Variants in MARVELD3 observed in about 807,000 individuals in gnomAD.
The protein encoded by MARVELD3 is MARVEL domain-containing protein 3.
A neutral mutation model predicts 33.5 loss-of-function variants in MARVELD3; 28 were observed. The observed-to-expected ratio is 0.84, with a 90% CI of 0.62 to 1.15. The LOEUF (loss-of-function observed/expected upper bound fraction) is 1.15. Among genes scored for constraint, MARVELD3 ranks in the 50% most tolerant of loss-of-function variants. The pLI is 0.00. For synonymous variants in MARVELD3, 241 were observed against 230.4 expected (o/e 1.05, Z -0.42); for missense variants, 582 against 547.6 (o/e 1.06, Z -0.63).
At chr16:71,637,288 G>C (rs981246468), downstream of MARVELD3, among the ~76,000 whole-genome samples, 2 of 152,120 alleles carry the variant, frequency 1.3e-5, no homozygotes, top group African/African-American at 2.4e-5. Flanking sequence ...TGCTGCCTGG[G>C]TTTTGAATCC....
chr16:71,633,674 C>A (rs952494790), intron 2 of MARVELD3, among the ~76,000 whole-genome samples: 2 of 149,832 alleles, frequency 1.3e-5, no homozygotes, highest in African/African-American at 4.9e-5. Flanking sequence ...GGATTACAGG[C>A]GTGAGCCACC....
Position 71,626,627 on chromosome 16 carries a change from C to T in MARVELD3, c.398C>T (p.Ala133Val), listed in dbSNP as rs985883472. The T allele has an allele frequency of 2.3e-5, 35 of 1,538,096 alleles. No individual in the cohort carries two copies. The highest frequency in any genetic ancestry group is 3.0e-5 in the Non-Finnish European group (34 of 1,145,030). ...TWDAAAPPGP[A>V]PWEAPEPPQP... ...GACGCAGCCGCGCCTCCTGGGCCCG[C>T]GCCCTGGGAAGCCCCGGAGCCGCCG... The change falls in exon 1 of 3, where the codon GCG (alanine) becomes GTG (valine). Residue 133 changes from alanine (A) to valine (V), a missense_variant. Transcript: ENST00000268485. This position sits in a 1 kb window ranked among gnomAD's most constrained non-coding sequence, Gnocchi z 5.3.
rs1465099996 is a variant in MARVELD3, at chr16:71,626,603, AC to A, written c.375del (p.Asp125GlufsTer84). ...TRDGARGLTW[D>X]AAAPPGPAPW... ...GACGGAGCCCGGGGACTGACCTGGG[AC>A]GCAGCCGCGCCTCCTGGGCCCGCGC... On this transcript the variant is annotated frameshift_variant, in exon 1 of 3. Transcript: ENST00000268485. LOFTEE classifies it high-confidence loss of function. The surrounding 1 kb of genome is among the most constrained non-coding windows in gnomAD (Gnocchi z 5.3). 1.3e-6 allele frequency: 2 copies of A among 1,541,774 alleles called. No homozygotes were observed. Among genetic ancestry groups the A allele is most frequent in the African/African-American group, 2.7e-5 (2 of 72,930 alleles).
intron 2 of MARVELD3, among the ~76,000 whole-genome samples, chr16:71,631,580 G>C (rs555661154): frequency 6.6e-6 from 1 of 152,150 alleles, no homozygotes; most frequent in African/African-American, 2.4e-5. Context: ...CTCCCGAGTG[G>C]CTGGGAGGTA....
chr16:71,632,605 TTA>T (rs2044543732), intron 2 of MARVELD3, among the ~76,000 whole-genome samples: 1 of 151,462 alleles, frequency 6.6e-6, no homozygotes, highest in African/African-American at 2.4e-5. Context: ...TTTTTATTTT[TTA>T]TTTATTTATT....
Position 71,633,729 on chromosome 16 carries a change from G to T in MARVELD3, c.596-464G>T, listed in dbSNP as rs1427122312. 2.7e-5 allele frequency among the ~76,000 whole-genome samples: 4 copies of T among 147,270 alleles called. No individual in the cohort carries two copies. In the Admixed American group the frequency reaches 2.7e-4, roughly 10 times the overall value. ...TTTTTTTTTTTAAATTAGAGATGGG[G>T]TATCACTATGTTGCCCAGGTTAGTC... is the stretch of plus-strand genomic sequence containing the variant. On this transcript the variant is annotated intron_variant, in intron 2 of 2. Coordinates refer to ENST00000268485, the MANE Select transcript of MARVELD3 (RefSeq NM_052858.6).
intron 1 of MARVELD3, among the ~76,000 whole-genome samples, chr16:71,627,328 C>T (rs1048184679): frequency 6.6e-6 from 1 of 152,150 alleles, no homozygotes; most frequent in Admixed American, 6.5e-5. Flanking sequence ...CATGGTGAAA[C>T]CCCGTCTTTA....
chr16:71,634,293 G>T lies in MARVELD3; in HGVS notation c.696G>T (p.Leu232Phe). 1 of 1,614,160 alleles carries T rather than the reference G, an allele frequency of 6.2e-7. No individual in the cohort carries two copies. The highest frequency in any genetic ancestry group is 8.5e-7 in the Non-Finnish European group (1 of 1,180,024). Residue 232 changes from leucine to phenylalanine, a missense_variant, in exon 3 of 3, where the codon TTG (leucine) becomes TTT (phenylalanine). Physicochemically the swap from Leu to Phe is conservative, Grantham distance 22. Coordinates refer to ENST00000268485, the MANE Select transcript of MARVELD3 (RefSeq NM_052858.6). ...GGGGCTACACGGGCATCACCAGCTT[G>T]GGGGGCATTTACTACTATCAGTTCG... ...STGGYTGITS[L>F]GGIYYYQFGG...
downstream of MARVELD3, chr16:71,640,893 C>T: frequency 3.7e-6 from 6 of 1,614,190 alleles, no homozygotes; most frequent in Non-Finnish European, 5.1e-6. Flanking sequence ...TGCTTGTCTT[C>T]TCGTGATCAT....
chr16:71,636,685 G>A (rs918438977), downstream of MARVELD3, among the ~76,000 whole-genome samples: 1 of 152,100 alleles, frequency 6.6e-6, no homozygotes, highest in Non-Finnish European at 1.5e-5. Context: ...CTGCCTCCCA[G>A]GCTTAAGCTG....
chr16:71,637,472 G>A (rs148292018), downstream of MARVELD3, among the ~76,000 whole-genome samples: 256 of 152,292 alleles, frequency 1.7e-3, no homozygotes, highest in African/African-American at 5.9e-3. Flanking sequence ...TAGGGAGAGT[G>A]TAAACCAGCA....
Position 71,634,235 on chromosome 16 carries a change from T to C in MARVELD3, c.638T>C (p.Leu213Pro), listed in dbSNP as rs1045852013. Residue 213 changes from leucine (L) to proline (P), a missense_variant, in exon 3 of 3, where the codon CTG (leucine) becomes CCG (proline). By Grantham distance (98) the Leu-to-Pro change is moderately conservative. Transcript: ENST00000268485. ...MLEVLLNLLI[L>P]ACSSVSYSST... Reference sequence around the variant, plus strand: ...GAGGTTCTCCTGAACTTGCTGATCCTGGCCTGCAGCTCTGTGTCTTACAGT... The same window carrying C: ...GAGGTTCTCCTGAACTTGCTGATCCCGGCCTGCAGCTCTGTGTCTTACAGT... 2 of 1,611,712 alleles carry C rather than the reference T, an allele frequency of 1.2e-6. No individual in the cohort carries two copies. The highest frequency in any genetic ancestry group is 3.3e-5 in the Admixed American group (2 of 59,978).
Position 71,634,445 on chromosome 16 carries a change from T to TC in MARVELD3, c.849dup (p.Cys284LeufsTer55), listed in dbSNP as rs754405511. The TC allele has an allele frequency of 2.2e-5, 35 of 1,614,200 alleles. No individual in the cohort carries two copies. The African/African-American group carries it at 4.7e-4, about 22-fold the overall frequency. On this transcript the variant is annotated frameshift_variant, in exon 3 of 3. Transcript: ENST00000268485. LOFTEE classifies it high-confidence loss of function. ...GCCTGTAGTGGAGCCCTCACAGCCCTCTGCTGCCTCTTCGTTGCCATGGGT... is the reference window on the plus strand; with the variant it reads ...GCCTGTAGTGGAGCCCTCACAGCCCTCCTGCTGCCTCTTCGTTGCCATGGGT...
intron 1 of MARVELD3, among the ~76,000 whole-genome samples, chr16:71,627,590 A>AG (rs2044487453): frequency 2.0e-5 from 3 of 152,118 alleles, no homozygotes; most frequent in Non-Finnish European, 4.4e-5. Flanking sequence ...TGAAGGGTAC[A>AG]GGTTTGTTTT....
At chr16:71,636,978 C>T (rs73576293), downstream of MARVELD3, among the ~76,000 whole-genome samples, 7 of 152,174 alleles carry the variant, frequency 4.6e-5, no homozygotes, top group Non-Finnish European at 8.8e-5. Flanking sequence ...TTTCCGGAGA[C>T]GTGTCCCATC....
chr16:71,627,005 C>A (rs1359413356), intron 1 of MARVELD3, among the ~76,000 whole-genome samples: 2 of 152,042 alleles, frequency 1.3e-5, no homozygotes, highest in South Asian at 2.1e-4. Flanking sequence ...GGAGACCAGG[C>A]GGGTGGGGTT....
At chr16:71,633,946 C>G (rs1297317606) in intron 2 of MARVELD3, among the ~76,000 whole-genome samples, 1 of 152,150 alleles carries the variant, frequency 6.6e-6, no homozygotes, top group African/African-American at 2.4e-5. Context: ...CTGCCGCTCT[C>G]TCAGGGCACA....
At chr16:71,641,028 G>A, downstream of MARVELD3, 1 of 1,596,072 alleles carries the variant, frequency 6.3e-7, no homozygotes, top group Non-Finnish European at 8.6e-7. Context: ...AACTCTTTGA[G>A]ATCTTCCGGA....
intron 1 of MARVELD3, among the ~76,000 whole-genome samples, chr16:71,627,740 A>T (rs1010489057): frequency 9.3e-6 from 1 of 107,364 alleles, no homozygotes; most frequent in South Asian, 3.4e-4. Context: ...AGAAAGGTTC[A>T]GGGTGTACTG....
Sources: allele counts gnomAD v4.1 joint callset (sites outside exome capture counted in the v4.1 genomes callset), GRCh38; gene constraint gnomAD v4.1.1; non-coding constraint Gnocchi (gnomAD v3.1); transcripts MANE v1.5; gene names NCBI Gene and HGNC (gene_info 2026-07-23, HGNC 2026-07-21).